Variants in RBM6 observed in about 807,000 individuals in gnomAD.
RBM6 encodes RNA binding motif protein 6.
A neutral mutation model predicts 140.4 loss-of-function variants in RBM6; 23 were observed. The ratio of observed to expected loss-of-function variants is 0.16; its 90% CI spans 0.12 to 0.23. RBM6 has a LOEUF of 0.23. RBM6 is among the 10% of genes least tolerant of loss of function. RBM6 has a pLI of 1.00. For missense variants in RBM6, 1,139 were observed against 1,386.7 expected (o/e 0.82, Z 2.84); for synonymous variants, 439 against 475.6 (o/e 0.92, Z 1.00).
At chr3:50,010,788 A>G (rs976899972) in intron 6 of RBM6, among the ~76,000 whole-genome samples, 1 of 148,336 alleles carries the variant, frequency 6.7e-6, no homozygotes, top group Admixed American at 7.0e-5. Flanking sequence ...CTGTAGTCCC[A>G]GCTACTCGGG....
chr3:50,057,423 C>T (rs2108907193), intron 8 of RBM6, among the ~76,000 whole-genome samples: 1 of 151,930 alleles, frequency 6.6e-6, no homozygotes, highest in Admixed American at 6.6e-5. Context: ...CTCGTTTCTA[C>T]TAAAAATACA....
chr3:50,073,829 G>T (rs2090378306), intron 19 of RBM6, among the ~76,000 whole-genome samples: 1 of 148,708 alleles, frequency 6.7e-6, no homozygotes, highest in Admixed American at 6.8e-5. Context: ...GTTTTTTACA[G>T]TCTGACCCCA....
chr3:50,070,525 G>A lies in RBM6; in HGVS notation c.3089G>A (p.Arg1030Gln), dbSNP rs776948991. The change falls in exon 19 of 21, where the codon CGG becomes CAG. Residue 1030 changes from arginine to glutamine, a missense_variant. Arg to Gln is a conservative substitution (Grantham distance 43, BLOSUM62 1). Transcript: ENST00000266022. ...TCTTTTGACTCTCCAGAAAGGAAAC[G>A]GATTAAGTACTCCAGGGAAACTGAC... Reference protein sequence around the residue: ...LQSFDSPERKRIKYSRETDSD... With the variant: ...LQSFDSPERKQIKYSRETDSD... The A allele has an allele frequency of 9.9e-6, 16 of 1,613,544 alleles. No individual in the cohort carries two copies. Among genetic ancestry groups the A allele is most frequent in the South Asian group, 8.8e-5 (8 of 91,068 alleles).
At chr3:49,979,214 A>G (rs1339412574) in intron 5 of RBM6, among the ~76,000 whole-genome samples, 1 of 152,204 alleles carries the variant, frequency 6.6e-6, no homozygotes, top group African/African-American at 2.4e-5. Context: ...TGAAATATCT[A>G]GAGAAGGCAC....
At chr3:50,009,546 A>G (rs1484600144) in intron 6 of RBM6, among the ~76,000 whole-genome samples, 1 of 152,122 alleles carries the variant, frequency 6.6e-6, no homozygotes, top group African/African-American at 2.4e-5. Context: ...TTTATCTAGA[A>G]TAATGTTTAT....
intron 5 of RBM6, among the ~76,000 whole-genome samples, chr3:49,984,616 GCAT>G (rs1559552740): frequency 1.1e-4 from 2 of 18,954 alleles, no homozygotes; most frequent in African/African-American, 2.6e-4. Context: ...ACATCACATC[GCAT>G]CGCATCGCAT....
intron 1 of RBM6, among the ~76,000 whole-genome samples, chr3:49,946,618 C>G (rs2083496931): frequency 6.6e-6 from 1 of 152,096 alleles, no homozygotes; most frequent in South Asian, 2.1e-4. Context: ...TCACTGCAAC[C>G]TCTGCCTCCC....
chr3:49,978,569 G>A (rs2085162879), intron 5 of RBM6, among the ~76,000 whole-genome samples: 1 of 152,116 alleles, frequency 6.6e-6, no homozygotes, highest in African/African-American at 2.4e-5. Context: ...AACCTGTGAG[G>A]TTAAATGAGC....
At chr3:50,023,655 AT>A (rs35083306) in intron 6 of RBM6, among the ~76,000 whole-genome samples, 186 of 115,082 alleles carry the variant, frequency 1.6e-3, no homozygotes, top group African/African-American at 4.1e-3. Context: ...ATGTTTGGTG[AT>A]TTTTTTTTTT....
intron 5 of RBM6, among the ~76,000 whole-genome samples, chr3:49,978,392 A>G (rs1337541805): frequency 1.3e-5 from 2 of 152,176 alleles, no homozygotes; most frequent in Admixed American, 6.5e-5. Context: ...TATTGCTCAT[A>G]AGAGGGGAAT....
intron 15 of RBM6, 66 bp from the exon 16 acceptor site, chr3:50,064,965 C>T: frequency 1.4e-6 from 2 of 1,401,530 alleles, no homozygotes; most frequent in South Asian, 1.2e-5. Context: ...AGCCACCGCA[C>T]CCAGCCCAGC....
intron 1 of RBM6, among the ~76,000 whole-genome samples, chr3:49,946,956 T>C (rs2083513860): frequency 1.3e-5 from 2 of 151,338 alleles, no homozygotes; most frequent in Admixed American, 1.3e-4. Context: ...CGTCTGTTCA[T>C]GTTCTTATTG....
chr3:50,044,137 C>T (rs2089094451), intron 6 of RBM6, among the ~76,000 whole-genome samples: 1 of 152,014 alleles, frequency 6.6e-6, no homozygotes, highest in South Asian at 2.1e-4. Context: ...CTCGGCCTCC[C>T]AAAGTGCTAG....
chr3:50,072,218 G>A (rs1227228085), intron 19 of RBM6, among the ~76,000 whole-genome samples: 6 of 151,478 alleles, frequency 4.0e-5, no homozygotes, highest in African/African-American at 1.5e-4. Context: ...GACCAGCCTG[G>A]CCAACATGGT....
Position 49,967,668 on chromosome 3 carries a change from G to A in RBM6, c.243G>A (p.Pro81=), listed in dbSNP as rs182256104. 6.2e-6 allele frequency: 10 copies of A among 1,614,090 alleles called. 1 individual carries two copies. The highest frequency in any genetic ancestry group is 4.4e-5 in the South Asian group (4 of 91,074). ...HSFSYGARDG[P]HGDYRGGEGP... Reference sequence around the variant, plus strand: ...TCAGCTATGGAGCTAGAGACGGACCGCATGGTGACTATCGAGGAGGGGAGG... The same window carrying A: ...TCAGCTATGGAGCTAGAGACGGACCACATGGTGACTATCGAGGAGGGGAGG... Residue 81 remains proline (P), a synonymous_variant, in exon 3 of 21, where the codon CCG becomes CCA. Transcript: ENST00000266022. This position sits in a 1 kb window ranked among gnomAD's most constrained non-coding sequence, Gnocchi z 4.0.
intron 17 of RBM6, 78 bp downstream of exon 17, chr3:50,066,580 C>T (rs2090129115): frequency 8.5e-6 from 13 of 1,528,578 alleles, no homozygotes; most frequent in Non-Finnish European, 9.7e-6. Context: ...GTAATCCTAG[C>T]ACTTTGGGAG....
intron 5 of RBM6, among the ~76,000 whole-genome samples, chr3:49,977,488 A>C (rs370667385): frequency 1.3e-5 from 2 of 152,060 alleles, no homozygotes; most frequent in East Asian, 1.9e-4. Context: ...CTGGTCACTG[A>C]TTGGATTGAA....
chr3:50,043,300 T>C (rs1413480235), intron 6 of RBM6, among the ~76,000 whole-genome samples: 1 of 151,952 alleles, frequency 6.6e-6, no homozygotes, highest in Non-Finnish European at 1.5e-5. Context: ...CTGGCCAACA[T>C]GGTGAAACCC....
chr3:49,977,642 G>T (rs1000380334), intron 5 of RBM6, among the ~76,000 whole-genome samples: 1 of 152,170 alleles, frequency 6.6e-6, no homozygotes, highest in African/African-American at 2.4e-5. Context: ...TTCCCTATAT[G>T]CATGGAATAG....
Sources: allele counts gnomAD v4.1 joint callset (sites outside exome capture counted in the v4.1 genomes callset), GRCh38; gene constraint gnomAD v4.1.1; non-coding constraint Gnocchi (gnomAD v3.1); transcripts MANE v1.5; gene names NCBI Gene and HGNC (gene_info 2026-07-23, HGNC 2026-07-21).